The following VSNL1 variants were observed in gnomAD, a reference collection of about 807,000 sequenced individuals.
The protein encoded by VSNL1 is visinin like 1, also known as visinin-like protein 1.
VSNL1 carries 6 observed loss-of-function variants against 20.4 expected under a neutral mutation model. That is an observed-to-expected ratio of 0.29 (90% CI 0.16 to 0.58). The LOEUF (loss-of-function observed/expected upper bound fraction) is 0.58, where lower values mean the gene tolerates loss of function less well. VSNL1 is among the 20% of genes least tolerant of loss of function. The pLI is 0.90. For synonymous variants in VSNL1, 93 were observed against 86.4 expected (o/e 1.08, Z -0.42); for missense variants, 100 against 234.5 (o/e 0.43, Z 3.75).
At chr2:17,635,242 GT>G (rs1187447114) in intron 2 of VSNL1, among the ~76,000 whole-genome samples, 1 of 152,208 alleles carries the variant, frequency 6.6e-6, no homozygotes, top group African/African-American at 2.4e-5. Context: ...CAGGGCTCTG[GT>G]CCTGTGCCAG....
chr2:17,552,197 C>T (rs1269834710), intron 1 of VSNL1, among the ~76,000 whole-genome samples: 1 of 90,582 alleles, frequency 1.1e-5, no homozygotes, highest in Non-Finnish European at 2.4e-5. Context: ...GAGATTCCAT[C>T]TCAAAAAAAA....
intron 2 of VSNL1, among the ~76,000 whole-genome samples, chr2:17,628,087 A>C (rs1665551686): frequency 6.6e-6 from 1 of 152,276 alleles, no homozygotes; most frequent in Admixed American, 6.5e-5. Context: ...ATGGCCAGAA[A>C]AAATAACACA....
intron 1 of VSNL1, among the ~76,000 whole-genome samples, chr2:17,556,724 G>C (rs62131466): frequency 0.029 from 4,464 of 152,238 alleles, 64 homozygotes; most frequent in Middle Eastern, 0.054. Flanking sequence ...CATTTCTTGT[G>C]TAGTTCACCA....
chr2:17,652,562 A>T (rs1327572635), intron 3 of VSNL1, among the ~76,000 whole-genome samples: 3 of 152,202 alleles, frequency 2.0e-5, no homozygotes, highest in Non-Finnish European at 2.9e-5. Flanking sequence ...TGACTGCAGA[A>T]AACTCTTGCC....
chr2:17,629,143 A>C (rs1478191049), intron 2 of VSNL1, among the ~76,000 whole-genome samples: 2 of 152,088 alleles, frequency 1.3e-5, no homozygotes, highest in African/African-American at 2.4e-5. Context: ...AGCTGTCTCC[A>C]CCCACACCCA....
chr2:17,575,959 T>C, intron 1 of VSNL1, among the ~76,000 whole-genome samples: 1 of 152,072 alleles, frequency 6.6e-6, no homozygotes, highest in East Asian at 1.9e-4. Flanking sequence ...AGGAATATGC[T>C]TATCATTCCA....
intron 2 of VSNL1, among the ~76,000 whole-genome samples, chr2:17,615,743 C>T (rs1317171033): frequency 2.0e-5 from 3 of 152,214 alleles, no homozygotes; most frequent in Non-Finnish European, 4.4e-5. Flanking sequence ...CCAGGCTTCA[C>T]ATTACCATTC....
intron 1 of VSNL1, among the ~76,000 whole-genome samples, chr2:17,551,896 TAAA>T (rs34475496): frequency 1.5e-4 from 17 of 116,800 alleles, no homozygotes; most frequent in African/African-American, 3.6e-4. Flanking sequence ...GCAATTTTGT[TAAA>T]AAAAAAAAAA....
chr2:17,637,201 C>A (rs1665771648), intron 2 of VSNL1, among the ~76,000 whole-genome samples: 2 of 152,280 alleles, frequency 1.3e-5, no homozygotes, highest in Middle Eastern at 6.8e-3. Flanking sequence ...CCCAGGGGAG[C>A]CCGGAGAGCC....
chr2:17,639,978 T>G lies in VSNL1; in HGVS notation c.163-9432T>G, dbSNP rs534357816. On this transcript the variant is annotated intron_variant, in intron 2 of 3. Transcript: ENST00000295156. ...TATGAAGAAACTAAGGCTGGGTGTG[T>G]TGGCTTGCACCTGTAATCCCAGCAC... Among the ~76,000 whole-genome samples, 5 of 152,250 alleles carry G rather than the reference T, an allele frequency of 3.3e-5. No individual in the cohort carries two copies. In the East Asian group the frequency reaches 7.7e-4, roughly 24 times the overall value.
At chr2:17,582,595 A>G (rs1043077490) in intron 1 of VSNL1, among the ~76,000 whole-genome samples, 1 of 152,144 alleles carries the variant, frequency 6.6e-6, no homozygotes, top group African/African-American at 2.4e-5. Context: ...TACATACAGA[A>G]ACACGAAATA....
intron 1 of VSNL1, among the ~76,000 whole-genome samples, chr2:17,587,815 T>A (rs932150002): frequency 6.6e-6 from 1 of 152,202 alleles, no homozygotes; most frequent in African/African-American, 2.4e-5. Flanking sequence ...ACAATCATAA[T>A]CTCTTTTTTA....
chr2:17,606,634 T>C (rs1442139542), intron 2 of VSNL1, among the ~76,000 whole-genome samples: 1 of 152,080 alleles, frequency 6.6e-6, no homozygotes, highest in Non-Finnish European at 1.5e-5. Context: ...GACCATAAAC[T>C]GGGATCATAG....
intron 3 of VSNL1, among the ~76,000 whole-genome samples, chr2:17,653,922 G>A (rs1242667562): frequency 6.6e-6 from 1 of 152,182 alleles, no homozygotes; most frequent in Admixed American, 6.5e-5. Flanking sequence ...ACACATCACT[G>A]TGTCTCCATG....
chr2:17,614,018 C>A (rs115786394), intron 2 of VSNL1, among the ~76,000 whole-genome samples: 1 of 152,124 alleles, frequency 6.6e-6, no homozygotes. Context: ...GCTGGAAACA[C>A]GCATGGGGAG....
At chr2:17,549,228 C>T (rs1663470521) in intron 1 of VSNL1, among the ~76,000 whole-genome samples, 1 of 152,156 alleles carries the variant, frequency 6.6e-6, no homozygotes, top group Non-Finnish European at 1.5e-5. Flanking sequence ...GCCATACACA[C>T]AACACATGTT....
intron 1 of VSNL1, among the ~76,000 whole-genome samples, chr2:17,574,291 A>G (rs1664153300): frequency 1.3e-5 from 2 of 152,194 alleles, no homozygotes; most frequent in Middle Eastern, 3.4e-3. Context: ...GAGAATGATT[A>G]TATATGGGCC....
chr2:17,619,164 A>C (rs1221525376), intron 2 of VSNL1, among the ~76,000 whole-genome samples: 1 of 152,200 alleles, frequency 6.6e-6, no homozygotes, highest in Non-Finnish European at 1.5e-5. Flanking sequence ...ACCAGTGCCC[A>C]AAGAGGTTAT....
chr2:17,622,532 A>AAAAGAAAGAAGGAAAG (rs1665390429), intron 2 of VSNL1, among the ~76,000 whole-genome samples: 2 of 98,710 alleles, frequency 2.0e-5, no homozygotes, highest in African/African-American at 3.9e-5. Flanking sequence ...AGAAAGAAAG[A>AAAAGAAAGAAGGAAAG]AAAGAAAGAA....
Sources: allele counts gnomAD v4.1 joint callset (sites outside exome capture counted in the v4.1 genomes callset), GRCh38; gene constraint gnomAD v4.1.1; transcripts MANE v1.5; gene names NCBI Gene and HGNC (gene_info 2026-07-23, HGNC 2026-07-21).